CPED1: variants seen among roughly 807,000 people sequenced by gnomAD.
The protein encoded by CPED1 is cadherin like and PC-esterase domain containing 1, also known as cadherin-like and PC-esterase domain-containing protein 1.
A neutral mutation model predicts 128.2 loss-of-function variants in CPED1; 114 were observed. That is an observed-to-expected ratio of 0.89 (90% CI 0.76 to 1.04). The LOEUF (loss-of-function observed/expected upper bound fraction) is 1.04. CPED1 is among the 50% of genes least tolerant of loss of function. The pLI is 0.00. For missense variants in CPED1, 1,211 were observed against 1,207.1 expected (o/e 1.00, Z -0.05); for synonymous variants, 462 against 426.7 (o/e 1.08, Z -1.02).
chr7:121,091,774 A>G (rs1320824993), intron 5 of CPED1, among the ~76,000 whole-genome samples: 2 of 152,230 alleles, frequency 1.3e-5, no homozygotes, highest in African/African-American at 2.4e-5. Flanking sequence ...AAATTGACTC[A>G]TGATTACACT....
At chr7:121,242,386 ATAAAT>A (rs1371674004) in intron 17 of CPED1, among the ~76,000 whole-genome samples, 2 of 152,186 alleles carry the variant, frequency 1.3e-5, no homozygotes, top group East Asian at 1.9e-4. Context: ...AAATATGTTG[ATAAAT>A]TAAAGTTTTC....
At chr7:121,061,754 A>G (rs1013791551) in intron 4 of CPED1, among the ~76,000 whole-genome samples, 14 of 152,248 alleles carry the variant, frequency 9.2e-5, no homozygotes, top group Non-Finnish European at 1.6e-4. Context: ...ACATTTTATG[A>G]TACGTGTAAA....
At chr7:121,063,792 G>A (rs906501303) in intron 4 of CPED1, among the ~76,000 whole-genome samples, 1 of 151,062 alleles carries the variant, frequency 6.6e-6, no homozygotes, top group Non-Finnish European at 1.5e-5. Context: ...AACAAGTTTT[G>A]GTTGAAGTGA....
Position 121,119,416 on chromosome 7 carries a change from C to T in CPED1, c.919-4915C>T, listed in dbSNP as rs547928867. ...TCCTGACCTCGTGATCCACCCGCTTCGGCCTCCCAAAGTGTTGAGATTACA... is the reference window on the plus strand; with the variant it reads ...TCCTGACCTCGTGATCCACCCGCTTTGGCCTCCCAAAGTGTTGAGATTACA... On this transcript the variant is annotated intron_variant, in intron 7 of 22. Coordinates refer to ENST00000310396, the MANE Select transcript of CPED1 (RefSeq NM_024913.5). 4.0e-5 allele frequency among the ~76,000 whole-genome samples: 6 copies of T among 150,870 alleles called. No homozygotes were observed. In the East Asian group the frequency reaches 6.0e-4, roughly 15 times the overall value.
chr7:121,034,171 G>A (rs1378189068), intron 3 of CPED1, among the ~76,000 whole-genome samples: 6 of 151,176 alleles, frequency 4.0e-5, no homozygotes, highest in African/African-American at 1.5e-4. Context: ...AATAAAAGAA[G>A]CCAAGATAAA....
chr7:121,046,548 AAGAC>A (rs1793205814), intron 3 of CPED1, among the ~76,000 whole-genome samples: 1 of 152,030 alleles, frequency 6.6e-6, no homozygotes, highest in Non-Finnish European at 1.5e-5. Flanking sequence ...TCTACAAAAA[AAGAC>A]TTTATTAATT....
At chr7:121,181,508 A>G (rs1463078172) in intron 16 of CPED1, among the ~76,000 whole-genome samples, 2 of 152,078 alleles carry the variant, frequency 1.3e-5, no homozygotes, top group African/African-American at 2.4e-5. Context: ...TGATCTGTAC[A>G]TAAATACGTT....
At chr7:121,134,119 G>A (rs550354546) in intron 13 of CPED1, among the ~76,000 whole-genome samples, 1 of 152,014 alleles carries the variant, frequency 6.6e-6, no homozygotes, top group Non-Finnish European at 1.5e-5. Flanking sequence ...ATGTTGAAGA[G>A]ATATTTGTAC....
chr7:121,086,975 C>T (rs747906843), intron 5 of CPED1, among the ~76,000 whole-genome samples: 1 of 152,218 alleles, frequency 6.6e-6, no homozygotes, highest in Non-Finnish European at 1.5e-5. Flanking sequence ...AACCTAACCC[C>T]AGCCATGAGG....
At position 121,124,465 on chromosome 7, in the gene CPED1, C is replaced by T; in HGVS notation, c.1053C>T (p.Thr351=). 6.7e-7 allele frequency: 1 copy of T among 1,485,448 alleles called. No homozygotes were observed. Among genetic ancestry groups the T allele is most frequent in the Non-Finnish European group, 9.0e-7 (1 of 1,116,768 alleles). 92.0% of individuals were successfully genotyped at this position (1,485,448 alleles called of 1,614,324 possible). A position where few individuals can be genotyped will look rare whatever the true frequency, so the allele number is the denominator to read the frequency against. ...FSETSTLGPK[T]FHRCRFCFQL... is the part of the protein sequence containing the mutation. ...AAACATCTACTCTGGGACCAAAGAC[C>T]TTCCATAGGTAAAAAACAAATTTTA... The change falls in exon 8 of 23, where the codon ACC becomes ACT. Residue 351 remains threonine (T), a synonymous_variant. Transcript: ENST00000310396.
intron 7 of CPED1, among the ~76,000 whole-genome samples, chr7:121,121,551 A>G (rs1795389299): frequency 6.6e-6 from 1 of 152,214 alleles, no homozygotes; most frequent in African/African-American, 2.4e-5. Context: ...TCTTTTATTC[A>G]TATTTATTTT....
chr7:121,124,202 A>G, intron 7 of CPED1, 129 bp from the exon 8 acceptor site: 1 of 611,500 alleles, frequency 1.6e-6, no homozygotes, highest in Non-Finnish European at 2.6e-6. Flanking sequence ...CTTACTGATT[A>G]GGTGAGGGTG....
intron 3 of CPED1, among the ~76,000 whole-genome samples, chr7:121,043,077 C>CTT (rs200421987): frequency 0.018 from 2,736 of 152,212 alleles, 73 homozygotes; most frequent in African/African-American, 0.059. Flanking sequence ...GCATTTACTC[C>CTT]AGTGCTTAGA....
At chr7:121,277,604 G>C (rs111228079) in intron 22 of CPED1, among the ~76,000 whole-genome samples, 1 of 152,018 alleles carries the variant, frequency 6.6e-6, no homozygotes, top group Non-Finnish European at 1.5e-5. Context: ...TCCACTGTGC[G>C]ATCTCTCAAG....
chr7:121,258,559 C>G (rs1323048691), intron 18 of CPED1, among the ~76,000 whole-genome samples: 1 of 152,046 alleles, frequency 6.6e-6, no homozygotes, highest in East Asian at 1.9e-4. Context: ...AGCATCTACT[C>G]TGAGAATCCT....
At chr7:121,119,610 G>A (rs967793367) in intron 7 of CPED1, among the ~76,000 whole-genome samples, 2 of 151,104 alleles carry the variant, frequency 1.3e-5, no homozygotes, top group Admixed American at 6.6e-5. Flanking sequence ...CGGATCACGA[G>A]GTCAGGAGAT....
Position 121,130,231 on chromosome 7 carries a change from T to C in CPED1, c.1514T>C (p.Leu505Pro). ...TCAGTCCTGACCCAATACTGGTCTC[T>C]TTTAAATGTATTTGAACAATTTCAG... Reference protein sequence around the residue: ...PGSVLTQYWSLLNVFEQFQFM... With the variant: ...PGSVLTQYWSPLNVFEQFQFM... Residue 505 changes from leucine to proline, a missense_variant, in exon 12 of 23, where the codon CTT (leucine) becomes CCT (proline). By Grantham distance (98) the Leu-to-Pro change is moderately conservative. Coordinates refer to ENST00000310396, the MANE Select transcript of CPED1 (RefSeq NM_024913.5). 1 of 1,612,090 alleles carries C rather than the reference T, an allele frequency of 6.2e-7. No homozygotes were observed. Among genetic ancestry groups the C allele is most frequent in the Non-Finnish European group, 8.5e-7 (1 of 1,178,990 alleles).
rs72453872 is a variant in CPED1, at chr7:121,087,665, C to CTTTTTTT, written c.617-10033_617-10032insTTTTTTT. ...GGATTCTTTCTTTTTCTTTTCTTTC[C>CTTTTTTT]TGTTTTTTTTTTTTTGGCAGAGTCT... is the stretch of plus-strand genomic sequence containing the variant. On this transcript the variant is annotated intron_variant, in intron 5 of 22. Transcript: ENST00000310396. Among the ~76,000 whole-genome samples the CTTTTTTT allele has an allele frequency of 5.9e-3, 781 of 131,524 alleles. 54 individuals are homozygous for CTTTTTTT. The highest frequency in any genetic ancestry group is 0.023 in the African/African-American group (721 of 31,740). 86.3% of individuals were successfully genotyped at this position (131,524 alleles called of 152,430 possible).
intron 16 of CPED1, among the ~76,000 whole-genome samples, chr7:121,194,048 AT>A (rs68159246): frequency 4.2e-4 from 20 of 47,454 alleles, no homozygotes; most frequent in African/African-American, 1.2e-3. Flanking sequence ...ATATATATAT[AT>A]TTTTTTTTTT....
Sources: allele counts gnomAD v4.1 joint callset (sites outside exome capture counted in the v4.1 genomes callset), GRCh38; gene constraint gnomAD v4.1.1; transcripts MANE v1.5; gene names NCBI Gene and HGNC (gene_info 2026-07-23, HGNC 2026-07-21).